PIP4K2C: variants seen among roughly 807,000 people sequenced by gnomAD.
PIP4K2C encodes phosphatidylinositol-5-phosphate 4-kinase type 2 gamma.
In PIP4K2C, 21 loss-of-function variants were observed where a neutral mutation model predicts 45.0. The ratio of observed to expected loss-of-function variants is 0.47; its 90% CI spans 0.33 to 0.67. The LOEUF is 0.67. Among genes scored for constraint, PIP4K2C ranks in the 30% least tolerant of loss-of-function variants. The pLI is 0.02. For missense variants in PIP4K2C, 456 were observed against 542.8 expected (o/e 0.84, Z 1.59); for synonymous variants, 201 against 204.8 (o/e 0.98, Z 0.16).
At position 57,591,351 on chromosome 12, in the gene PIP4K2C, G is replaced by A. The variant is rs745629212; in HGVS notation, c.62G>A (p.Gly21Asp). The A allele has an allele frequency of 6.2e-7, 1 of 1,613,704 alleles. No individual in the cohort carries two copies. The highest frequency in any genetic ancestry group is 8.5e-7 in the Non-Finnish European group (1 of 1,179,882). ...GCGGCGACAGCAGGCCCCGGCCCAG[G>A]TTTCGGCTTCGCCTCCAAGACCAAG... ...VSAATAGPGP[G>D]FGFASKTKKK... Residue 21 changes from glycine to aspartate, a missense_variant, in exon 1 of 10, where the codon GGT becomes GAT. By Grantham distance (94) the Gly-to-Asp change is moderately conservative. Around this residue, in one of 2 missense-constraint regions of PIP4K2C, gnomAD observed 421 missense variants for 473.1 expected, o/e 0.89. Coordinates refer to ENST00000354947, the MANE Select transcript of PIP4K2C (RefSeq NM_024779.5).
chr12:57,591,238 G>A lies in PIP4K2C; in HGVS notation c.-52G>A, dbSNP rs543355866. The A allele has an allele frequency of 6.8e-5, 106 of 1,550,890 alleles. No homozygotes were observed. The highest frequency in any genetic ancestry group is 1.9e-4 in the Middle Eastern group (1 of 5,292). On this transcript the variant is annotated 5_prime_UTR_variant, in exon 1 of 10. Coordinates refer to ENST00000354947, the MANE Select transcript of PIP4K2C (RefSeq NM_024779.5). Reference sequence around the variant, plus strand: ...GTGAGCGCCGCTTCCGGGGTCGGGCGCCTGGATAGCTGCCGGCTCCGGCTT... The same window carrying A: ...GTGAGCGCCGCTTCCGGGGTCGGGCACCTGGATAGCTGCCGGCTCCGGCTT...
At chr12:57,593,612 A>G (rs1448834672) in intron 1 of PIP4K2C, among the ~76,000 whole-genome samples, 1 of 139,192 alleles carries the variant, frequency 7.2e-6, no homozygotes, top group Non-Finnish European at 1.5e-5. Context: ...ACTCTTGTGC[A>G]TTTTTAAAAT....
rs78787523 is a variant in PIP4K2C at position 57,600,718 on chromosome 12, G to T, written c.814-93G>T. The stretch of plus-strand genomic sequence containing the variant: ...TCAATTTTTATACTTCCTTTCCCCA[G>T]AAGGGCCCCAGAAATTCAAAGGTAC... On this transcript the variant is annotated intron_variant, in intron 7 of 9. Transcript: ENST00000354947. 1.4e-3 allele frequency: 2,147 copies of T among 1,509,144 alleles called. 31 individuals carry two copies. In the African/African-American group the frequency reaches 0.028, roughly 19 times the overall value. The allele number at this position is 1,509,144 out of a possible 1,614,324, so 93.5% of individuals were successfully genotyped here. A position where few individuals can be genotyped will look rare whatever the true frequency, so the allele number is the denominator to read the frequency against.
Position 57,601,686 on chromosome 12 carries a change from C to G in PIP4K2C, c.*80C>G. 1 of 1,247,806 alleles carries G rather than the reference C, an allele frequency of 8.0e-7. No homozygotes were observed. The highest frequency in any genetic ancestry group is 1.2e-6 in the Non-Finnish European group (1 of 846,666). 77.3% of individuals were successfully genotyped at this position (1,247,806 alleles called of 1,614,324 possible). The stretch of plus-strand genomic sequence containing the variant: ...GGGAATTGTGGGGATATTCTAGCCA[C>G]CAGTTCTCTTCTTCCTTTGCTAAAT... On this transcript the variant is annotated 3_prime_UTR_variant, in exon 10 of 10. Transcript: ENST00000354947.
At chr12:57,593,557 C>T (rs1883052886) in intron 1 of PIP4K2C, among the ~76,000 whole-genome samples, 1 of 151,822 alleles carries the variant, frequency 6.6e-6, no homozygotes, top group African/African-American at 2.4e-5. Context: ...AGGATATGGA[C>T]ATTTATCCTT....
At chr12:57,599,473 A>T in intron 6 of PIP4K2C, 35 bp downstream of exon 6, 1 of 1,612,706 alleles carries the variant, frequency 6.2e-7, no homozygotes, top group Non-Finnish European at 8.5e-7. Flanking sequence ...GTGAGGGATG[A>T]GGGATGAGGG....
rs202139017 is a variant in PIP4K2C, at chr12:57,595,890, G to A, written c.372G>A (p.Val124=). 123 of 1,613,944 alleles carry A rather than the reference G, an allele frequency of 7.6e-5. No homozygotes were observed. Among genetic ancestry groups the A allele is most frequent in the African/African-American group, 2.7e-5 (2 of 74,986 alleles). The change falls in exon 4 of 10, where the codon GTG becomes GTA. Residue 124 remains valine, a splice_region_variant and synonymous_variant. Transcript: ENST00000354947. ...TCTGGCCTATTCTGTGTCCCCAGGT[G>A]TCCCTTACCCGAAACCCCCCCAGCG... ...RFGIDDQDYL[V]SLTRNPPSES... is the part of the protein sequence containing the mutation.
At position 57,600,438 on chromosome 12, in the gene PIP4K2C, G is replaced by A; in HGVS notation, c.813+1G>A. ...GGAGAAGCTGAAGAGAGATGTGGAGGTGATGATTGGGTGCTCTGGGAAATG... is the reference window on the plus strand; with the variant it reads ...GGAGAAGCTGAAGAGAGATGTGGAGATGATGATTGGGTGCTCTGGGAAATG... On this transcript the variant is annotated splice_donor_variant, in intron 7 of 9. Coordinates refer to ENST00000354947, the MANE Select transcript of PIP4K2C (RefSeq NM_024779.5). LOFTEE classifies it high-confidence loss of function. The A allele has an allele frequency of 6.3e-7, 1 of 1,581,018 alleles. No individual in the cohort carries two copies. The highest frequency in any genetic ancestry group is 8.7e-7 in the Non-Finnish European group (1 of 1,150,780).
Position 57,591,230 on chromosome 12 carries a change from G to A in PIP4K2C, c.-60G>A. 6.5e-7 allele frequency: 1 copy of A among 1,534,890 alleles called. No individual in the cohort carries two copies. The highest frequency in any genetic ancestry group is 1.2e-5 in the South Asian group (1 of 81,902). ...CAGCGCAGGTGAGCGCCGCTTCCGGGGTCGGGCGCCTGGATAGCTGCCGGC... is the reference window on the plus strand; with the variant it reads ...CAGCGCAGGTGAGCGCCGCTTCCGGAGTCGGGCGCCTGGATAGCTGCCGGC... On this transcript the variant is annotated 5_prime_UTR_variant, in exon 1 of 10. Transcript: ENST00000354947.
chr12:57,598,524 C>CAAAAAA (rs57982410), intron 4 of PIP4K2C, among the ~76,000 whole-genome samples: 3 of 75,712 alleles, frequency 4.0e-5, no homozygotes, highest in African/African-American at 9.0e-5. Context: ...ACTCCATCTC[C>CAAAAAA]AAAAAAAAAA....
Position 57,595,168 on chromosome 12 carries a change from C to T in PIP4K2C, c.315C>T (p.Pro105=), listed in dbSNP as rs777621841. The T allele has an allele frequency of 5.0e-6, 8 of 1,612,528 alleles. No homozygotes were observed. In the African/African-American group the frequency reaches 8.0e-5, roughly 16 times the overall value. The part of the protein sequence containing the change: ...PSHFKFKEYC[P]QVFRNLRDRF... ...ATTTCAAGTTCAAGGAGTATTGTCCCCAGGTCTTCAGGAACCTCCGTGATC... is the reference window on the plus strand; with the variant it reads ...ATTTCAAGTTCAAGGAGTATTGTCCTCAGGTCTTCAGGAACCTCCGTGATC... The change falls in exon 3 of 10, where the codon CCC becomes CCT. Residue 105 remains proline (P), a synonymous_variant. Coordinates refer to ENST00000354947, the MANE Select transcript of PIP4K2C (RefSeq NM_024779.5).
intron 1 of PIP4K2C, among the ~76,000 whole-genome samples, chr12:57,592,936 G>A (rs1364318461): frequency 6.7e-6 from 1 of 148,552 alleles, no homozygotes; most frequent in African/African-American, 2.5e-5. Flanking sequence ...GATATGTTCT[G>A]TCCTCCTTTT....
chr12:57,600,293 G>A, intron 6 of PIP4K2C, 31 bp from the exon 7 acceptor site: 1 of 1,423,484 alleles, frequency 7.0e-7, no homozygotes. Context: ...GAAGGGATAT[G>A]TTCCCAAGAT....
Position 57,599,158 on chromosome 12 carries a change from A to G in PIP4K2C, c.607A>G (p.Met203Val). The G allele has an allele frequency of 6.2e-7, 1 of 1,614,036 alleles. No individual in the cohort carries two copies. The highest frequency in any genetic ancestry group is 1.1e-5 in the South Asian group (1 of 91,080). ...VDNEDSYMLV[M>V]RNMFSHRLPV... ...CAACGAAGACAGCTACATGCTTGTG[A>G]TGCGCAATATGTTTAGCCACCGTCT... The change falls in exon 5 of 10, where the codon ATG becomes GTG. Residue 203 changes from methionine (M) to valine (V), a missense_variant. Met to Val is a conservative substitution (Grantham distance 21, BLOSUM62 1). Transcript: ENST00000354947.
intron 7 of PIP4K2C, 125 bp from the exon 8 acceptor site, chr12:57,600,686 T>C (rs967050367): frequency 1.6e-6 from 2 of 1,275,958 alleles, no homozygotes; most frequent in Non-Finnish European, 2.2e-6. Flanking sequence ...TGGTATGCCC[T>C]GCAACCTCAA....
intron 4 of PIP4K2C, among the ~76,000 whole-genome samples, chr12:57,597,381 A>T (rs534507086): frequency 6.6e-6 from 1 of 152,304 alleles, no homozygotes; most frequent in African/African-American, 2.4e-5. Flanking sequence ...GGTTAGGGAT[A>T]ACTGGGTGCC....
In PIP4K2C at chr12:57,601,043, C is replaced by T; in HGVS notation, c.1046C>T (p.Ser349Phe). 1 of 1,613,828 alleles carries T rather than the reference C, an allele frequency of 6.2e-7. No individual in the cohort carries two copies. The highest frequency in any genetic ancestry group is 8.5e-7 in the Non-Finnish European group (1 of 1,180,032). ...CCCCTGGGCCCAGGAGAGTTTGAGTCCTTCATTGATGTCTATGCCATCCGG... is the reference window on the plus strand; with the variant it reads ...CCCCTGGGCCCAGGAGAGTTTGAGTTCTTCATTGATGTCTATGCCATCCGG... ...HRPLGPGEFE[S>F]FIDVYAIRSA... The change falls in exon 8 of 10, where the codon TCC becomes TTC. Residue 349 changes from serine to phenylalanine, a missense_variant. Physicochemically the swap from Ser to Phe is radical, Grantham distance 155. This residue lies in a region of PIP4K2C where 421 missense variants were observed against 473.1 expected (regional missense o/e 0.89). Transcript: ENST00000354947.
At chr12:57,601,158 G>C in intron 8 of PIP4K2C, 80 bp downstream of exon 8, 1 of 1,593,368 alleles carries the variant, frequency 6.3e-7, no homozygotes, top group African/African-American at 1.3e-5. Context: ...GGGAGAGCCT[G>C]ATTAGCTTTT....
Position 57,600,665 on chromosome 12 carries a change from A to G in PIP4K2C, c.814-146A>G. On this transcript the variant is annotated intron_variant, in intron 7 of 9. Coordinates refer to ENST00000354947, the MANE Select transcript of PIP4K2C (RefSeq NM_024779.5). ...ATCTTAGATACTAGGACATATAGGC[A>G]CTAAAGGCAGTGGTATGCCCTGCAA... The G allele has an allele frequency of 4.9e-6, 5 of 1,010,926 alleles. No homozygotes were observed. In the South Asian group the frequency reaches 7.5e-5, roughly 15 times the overall value. 62.6% of individuals were successfully genotyped at this position (1,010,926 alleles called of 1,614,324 possible).
Sources: allele counts gnomAD v4.1 joint callset (sites outside exome capture counted in the v4.1 genomes callset), GRCh38; gene constraint gnomAD v4.1.1; regional missense constraint gnomAD v4.1.1; transcripts MANE v1.5; gene names NCBI Gene and HGNC (gene_info 2026-07-23, HGNC 2026-07-21).